Variants in PCDHGA7 observed in about 807,000 individuals in gnomAD.
The protein encoded by PCDHGA7 is protocadherin gamma subfamily A, 7.
In PCDHGA7, 44 loss-of-function variants were observed where a neutral mutation model predicts 58.3. The ratio of observed to expected loss-of-function variants is 0.75; its 90% CI spans 0.59 to 0.97. The LOEUF (loss-of-function observed/expected upper bound fraction) is 0.97. PCDHGA7 is among the 50% of genes least tolerant of loss of function. The pLI is 0.00. For synonymous variants in PCDHGA7, 516 were observed against 504.2 expected (o/e 1.02, Z -0.31); for missense variants, 1,266 against 1,188.7 (o/e 1.06, Z -0.96).
Position 141,432,667 on chromosome 5 carries a change from C to T in PCDHGA7, c.2424+47344C>T, listed in dbSNP as rs1312138743. ...CGGCGCGAGCCCTGCTGGACAGAGACGCGCTCAAGCAGAGCCTCGTAGTGG... is the reference window on the plus strand; with the variant it reads ...CGGCGCGAGCCCTGCTGGACAGAGATGCGCTCAAGCAGAGCCTCGTAGTGG... On this transcript the variant is annotated intron_variant, in intron 1 of 3. Transcript: ENST00000518325. This position sits in a 1 kb window ranked among gnomAD's most constrained non-coding sequence, Gnocchi z 6.0. The T allele has an allele frequency of 1.2e-6, 2 of 1,613,876 alleles. No individual in the cohort carries two copies. The highest frequency in any genetic ancestry group is 1.1e-5 in the South Asian group (1 of 91,066).
At chr5:141,394,798 T>C (rs770334197) in intron 1 of PCDHGA7, 1 of 1,613,818 alleles carries the variant, frequency 6.2e-7, no homozygotes, top group Non-Finnish European at 8.5e-7. Flanking sequence ...ACGCTCACCG[T>C]AGCCGTGGCT....
intron 1 of PCDHGA7, among the ~76,000 whole-genome samples, chr5:141,445,929 A>G (rs1388363296): frequency 6.6e-6 from 1 of 152,208 alleles, no homozygotes; most frequent in Non-Finnish European, 1.5e-5. Context: ...AAGATATTTG[A>G]ATTATTAAGC....
chr5:141,399,546 G>A, intron 1 of PCDHGA7: 1 of 1,614,032 alleles, frequency 6.2e-7, no homozygotes, highest in Non-Finnish European at 8.5e-7. Context: ...TCTGCGCCTC[G>A]GACCTGGACT....
At chr5:141,510,910 A>T (rs780792326) in intron 3 of PCDHGA7, 37 bp from the exon 4 acceptor site, 1 of 1,613,740 alleles carries the variant, frequency 6.2e-7, no homozygotes, top group East Asian at 2.2e-5. Flanking sequence ...GAGGACCCTA[A>T]GTTTAGCTCC....
intron 1 of PCDHGA7, chr5:141,400,244 C>T (rs765839538): frequency 1.9e-6 from 3 of 1,613,928 alleles, no homozygotes; most frequent in East Asian, 4.5e-5. Flanking sequence ...GTGATTCTGG[C>T]CGTTGCCTTG....
At chr5:141,482,768 CTGA>C (rs2099572195) in intron 1 of PCDHGA7, among the ~76,000 whole-genome samples, 1 of 126,868 alleles carries the variant, frequency 7.9e-6, no homozygotes, top group Admixed American at 7.7e-5. Flanking sequence ...TTCATTATCA[CTGA>C]ACCTTAAACT....
At chr5:141,508,841 C>G (rs969875150) in intron 3 of PCDHGA7, among the ~76,000 whole-genome samples, 1 of 152,140 alleles carries the variant, frequency 6.6e-6, no homozygotes, top group Admixed American at 6.5e-5. Flanking sequence ...TCCCCTACCC[C>G]TTCCATTCCC....
chr5:141,399,018 T>C lies in PCDHGA7; in HGVS notation c.2424+13695T>C. 5 of 1,613,892 alleles carry C rather than the reference T, an allele frequency of 3.1e-6. No individual in the cohort carries two copies. The South Asian group carries it at 3.3e-5, about 11-fold the overall frequency. On this transcript the variant is annotated intron_variant, in intron 1 of 3. Coordinates refer to ENST00000518325, the MANE Select transcript of PCDHGA7 (RefSeq NM_018920.4). ...GTCTGAATTCAAAGAGCGGAGAAATTACCACTCAAAAGAAACTGGATTTTG... is the reference window on the plus strand; with the variant it reads ...GTCTGAATTCAAAGAGCGGAGAAATCACCACTCAAAAGAAACTGGATTTTG...
Position 141,490,867 on chromosome 5 carries a change from C to G in PCDHGA7, c.2425-3940C>G. ...GGGGGTTCGAGACTCCGGCTCTCCC[C>G]CATTGCATGCCAACACATCTCTGCA... On this transcript the variant is annotated intron_variant, in intron 1 of 3. Coordinates refer to ENST00000518325, the MANE Select transcript of PCDHGA7 (RefSeq NM_018920.4). This position sits in a 1 kb window ranked among gnomAD's most constrained non-coding sequence, Gnocchi z 5.4. 6.2e-7 allele frequency: 1 copy of G among 1,613,912 alleles called. No individual in the cohort carries two copies. The highest frequency in any genetic ancestry group is 8.5e-7 in the Non-Finnish European group (1 of 1,179,936).
At chr5:141,386,135 G>A (rs2090475678) in intron 1 of PCDHGA7, 1 of 152,130 alleles carries the variant, frequency 6.6e-6, no homozygotes, top group African/African-American at 2.4e-5. Context: ...GGGGATACTG[G>A]CTTTGTTTCA....
rs1779188122 is a variant in PCDHGA7, at chr5:141,383,499, G to A, written c.600G>A (p.Leu200=). The A allele has an allele frequency of 6.2e-7, 1 of 1,612,970 alleles. No individual in the cohort carries two copies. The change falls in exon 1 of 4, where the codon CTG becomes CTA. Residue 200 remains leucine (L), a synonymous_variant. Coordinates refer to ENST00000518325, the MANE Select transcript of PCDHGA7 (RefSeq NM_018920.4). ...KYPELVLERV[L]DREEERVHHL... ...CGGAACTGGTGCTGGAGCGGGTGCT[G>A]GACCGGGAGGAAGAGCGGGTTCACC...
chr5:141,458,567 TTTTG>T (rs144471304), intron 1 of PCDHGA7, among the ~76,000 whole-genome samples: 42,006 of 151,504 alleles, frequency 0.28, 6,493 homozygotes, highest in African/African-American at 0.43. Context: ...GGTTTTGGGT[TTTTG>T]TTTGTTTGTT....
chr5:141,408,656 C>G (rs1367377855), intron 1 of PCDHGA7: 1 of 1,614,030 alleles, frequency 6.2e-7, no homozygotes, highest in South Asian at 1.1e-5. Flanking sequence ...TGGTACACGA[C>G]TATCGCTTGA....
In PCDHGA7 at chr5:141,432,776, G is replaced by C. The variant is rs975435403; in HGVS notation, c.2424+47453G>C. 1.9e-6 allele frequency: 3 copies of C among 1,614,172 alleles called. No homozygotes were observed. In the African/African-American group the frequency reaches 4.0e-5, roughly 22 times the overall value. ...GGCCGACAGCATCCCCCAAGTCCTG[G>C]CGGACCTCGGCAGCCTCGAGTCTCC... On this transcript the variant is annotated intron_variant, in intron 1 of 3. Transcript: ENST00000518325. This position sits in a 1 kb window ranked among gnomAD's most constrained non-coding sequence, Gnocchi z 6.0.
chr5:141,399,958 G>A (rs2093927763), intron 1 of PCDHGA7: 5 of 1,612,004 alleles, frequency 3.1e-6, no homozygotes, highest in Non-Finnish European at 4.2e-6. Context: ...TAGCGAGCCC[G>A]GGCTCTTCAG....
chr5:141,419,393 G>T (rs1226844501), intron 1 of PCDHGA7: 2 of 1,613,620 alleles, frequency 1.2e-6, no homozygotes, highest in Non-Finnish European at 1.7e-6. Context: ...CGCGCAGAGC[G>T]GGGTGGTGTT....
At chr5:141,481,346 C>T (rs2099536003) in intron 1 of PCDHGA7, among the ~76,000 whole-genome samples, 1 of 152,248 alleles carries the variant, frequency 6.6e-6, no homozygotes, top group Non-Finnish European at 1.5e-5. Context: ...ATTATTTAAA[C>T]ATCTACAGCT....
rs1312195504 is a variant in PCDHGA7 at position 141,429,392 on chromosome 5, A to ATTTTT, written c.2424+44069_2424+44070insTTTTT. On this transcript the variant is annotated intron_variant, in intron 1 of 3. Transcript: ENST00000518325. Reference sequence around the variant, plus strand: ...GAGAAAATGTGTTTTTTTTTTAAAAAAAATTGAGATTAAGGTCTCATTATG... The same window carrying ATTTTT: ...GAGAAAATGTGTTTTTTTTTTAAAAATTTTTAAATTGAGATTAAGGTCTCATTATG... Among the ~76,000 whole-genome samples, 131 of 152,104 alleles carry ATTTTT rather than the reference A, an allele frequency of 8.6e-4. 1 individual carries two copies. Among genetic ancestry groups the ATTTTT allele is most frequent in the Non-Finnish European group, 1.5e-3 (100 of 67,974 alleles).
intron 1 of PCDHGA7, chr5:141,422,091 G>C: frequency 6.2e-7 from 1 of 1,611,830 alleles, no homozygotes. Context: ...TGGAAAGCAA[G>C]GCTTCTGAAA....
Sources: allele counts gnomAD v4.1 joint callset (sites outside exome capture counted in the v4.1 genomes callset), GRCh38; gene constraint gnomAD v4.1.1; non-coding constraint Gnocchi (gnomAD v3.1); transcripts MANE v1.5; gene names NCBI Gene and HGNC (gene_info 2026-07-23, HGNC 2026-07-21).